Variants in MAP3K5 observed in about 807,000 individuals in gnomAD.
MAP3K5 encodes the protein ASK-1.
In MAP3K5, 56 loss-of-function variants were observed where a neutral mutation model predicts 158.7. The ratio of observed to expected loss-of-function variants is 0.35; its 90% confidence interval spans 0.28 to 0.44. The LOEUF (loss-of-function observed/expected upper bound fraction) is 0.44. Ranked by LOEUF, MAP3K5 falls within the 20% of genes least tolerant of loss-of-function variation. MAP3K5 has a pLI of 1.00. For synonymous variants in MAP3K5, 579 were observed against 601.7 expected, an observed-to-expected ratio of 0.96 and a Z score of 0.55; for missense variants, 1,294 against 1,674.8, an observed-to-expected ratio of 0.77 and a Z score of 3.97.
In MAP3K5 at chr6:136,637,381, T is replaced by C. The variant is rs1344900901; in HGVS notation, c.1960A>G (p.Thr654Ala). ...TCTGTGCTTCTCCCCTTCTCTTCGG[T>C]AATGGTGTTCACCATCTCAAAAAAC... ...KKFFEMVNTI[T>A]EEKGRSTEEG... Residue 654 changes from threonine (T) to alanine (A), a missense_variant, in exon 14 of 30, where the codon ACC (threonine) becomes GCC (alanine). Around this residue, in one of 5 missense-constraint regions of MAP3K5, gnomAD observed 690 missense variants for 870.5 expected, o/e 0.79. Coordinates refer to ENST00000359015, the MANE Select transcript of MAP3K5 (RefSeq NM_005923.4). The C allele has an allele frequency of 6.2e-7, 1 of 1,610,440 alleles. No homozygotes were observed. The highest frequency in any genetic ancestry group is 8.5e-7 in the Non-Finnish European group (1 of 1,176,770).
rs138195780 is a variant in MAP3K5, at chr6:136,631,653, A to G, written c.2016+5672T>C. Among the ~76,000 whole-genome samples, 383 of 152,128 alleles carry G rather than the reference A, an allele frequency of 2.5e-3. 2 individuals are homozygous for G. Among genetic ancestry groups the G allele is most frequent in the African/African-American group, 8.5e-3 (354 of 41,476 alleles). On this transcript the variant is annotated intron_variant, in intron 14 of 29. Transcript: ENST00000359015. The stretch of plus-strand genomic sequence containing the variant: ...ATGGATTGGAGGCCTTCTCCCATCC[A>G]TATCTCTCTCCTCCCAGTTTGAGAT...
chr6:136,681,776 G>A (rs928601204), intron 7 of MAP3K5, among the ~76,000 whole-genome samples: 7 of 152,090 alleles, frequency 4.6e-5, no homozygotes, highest in East Asian at 1.9e-4. Context: ...AAAATTAGCC[G>A]GGTGTGGTGG....
rs919575944 is a variant in MAP3K5, at chr6:136,697,404, C to G, written c.807-17G>C. On this transcript the variant is annotated splice_polypyrimidine_tract_variant and intron_variant, in intron 4 of 29. Transcript: ENST00000359015. Reference sequence around the variant, plus strand: ...AAGTACTGGCTGGTAAAAACACACACATTTCAAAGAGTTTGACATTAGAAA... The same window carrying G: ...AAGTACTGGCTGGTAAAAACACACAGATTTCAAAGAGTTTGACATTAGAAA... 5 of 1,575,622 alleles carry G rather than the reference C, an allele frequency of 3.2e-6. No homozygotes were observed. The highest frequency in any genetic ancestry group is 4.3e-6 in the Non-Finnish European group (5 of 1,158,650).
chr6:136,607,718 T>C lies in MAP3K5; in HGVS notation c.2522-2352A>G, dbSNP rs1446251287. ...TGGTTAATTAAACTCTAATGTCACA[T>C]TTCATTCATTCACTCATTCATTTAA... On this transcript the variant is annotated intron_variant, in intron 18 of 29. Coordinates refer to ENST00000359015, the MANE Select transcript of MAP3K5 (RefSeq NM_005923.4). 2.0e-5 allele frequency among the ~76,000 whole-genome samples: 3 copies of C among 152,330 alleles called. No individual in the cohort carries two copies. The Middle Eastern group carries it at 0.01, about 518-fold the overall frequency.
At chr6:136,782,656 T>C (rs1252321117) in intron 1 of MAP3K5, among the ~76,000 whole-genome samples, 1 of 152,220 alleles carries the variant, frequency 6.6e-6, no homozygotes, top group Non-Finnish European at 1.5e-5. Context: ...TAGTGGAATG[T>C]TTTCTGTTAC....
At chr6:136,661,230 T>C (rs1449438389) in intron 8 of MAP3K5, among the ~76,000 whole-genome samples, 1 of 152,222 alleles carries the variant, frequency 6.6e-6, no homozygotes, top group African/African-American at 2.4e-5. Flanking sequence ...TTTTATCGTA[T>C]AATTCCACTC....
intron 14 of MAP3K5, among the ~76,000 whole-genome samples, chr6:136,629,767 A>T (rs112735505): frequency 0.065 from 665 of 10,230 alleles, 3 homozygotes; most frequent in African/African-American, 0.23. Flanking sequence ...TCTCACCTTC[A>T]TTTATTTATT....
intron 14 of MAP3K5, among the ~76,000 whole-genome samples, chr6:136,632,142 C>T (rs778182741): frequency 2.6e-5 from 4 of 152,110 alleles, no homozygotes; most frequent in East Asian, 1.9e-4. Context: ...AGGCTGGCAC[C>T]GCTGGACCAC....
intron 7 of MAP3K5, among the ~76,000 whole-genome samples, chr6:136,682,275 A>C (rs1318650409): frequency 2.6e-5 from 4 of 152,232 alleles, no homozygotes. Context: ...AAATAATGTT[A>C]ATGCAACAAC....
At chr6:136,697,089 TAA>T in intron 5 of MAP3K5, 128 bp downstream of exon 5, 2 of 615,096 alleles carry the variant, frequency 3.3e-6, no homozygotes, top group South Asian at 3.0e-5. Flanking sequence ...ATGGAAAGCT[TAA>T]GAGAGTCAAT....
At chr6:136,679,693 C>T (rs1369968366) in intron 7 of MAP3K5, among the ~76,000 whole-genome samples, 3 of 150,976 alleles carry the variant, frequency 2.0e-5, no homozygotes, top group Non-Finnish European at 3.0e-5. Flanking sequence ...ATTTTTTTTC[C>T]AAAAAAAGAG....
intron 21 of MAP3K5, among the ~76,000 whole-genome samples, chr6:136,596,581 A>G (rs1440490570): frequency 1.3e-5 from 2 of 152,192 alleles, no homozygotes; most frequent in Admixed American, 6.5e-5. Flanking sequence ...GAGCATGTGT[A>G]TATGGAACTC....
In MAP3K5 at chr6:136,691,089, C is replaced by A. The variant is rs74565365; in HGVS notation, c.1253+3051G>T. Among the ~76,000 whole-genome samples, 1,067 of 152,180 alleles carry A rather than the reference C, an allele frequency of 7.0e-3. 11 individuals carry two copies. Among genetic ancestry groups the A allele is most frequent in the African/African-American group, 0.025 (1,030 of 41,540 alleles). The stretch of plus-strand genomic sequence containing the variant: ...CTTCTTTCTTAGGCTGCATTTATGA[C>A]CTTTTCTTGTATTTCTGTTTTTCAC... On this transcript the variant is annotated intron_variant, in intron 7 of 29. Transcript: ENST00000359015.
rs553509949 is a variant in MAP3K5, at chr6:136,617,882, G to A, written c.2151-3596C>T. 3.3e-5 allele frequency among the ~76,000 whole-genome samples: 5 copies of A among 152,184 alleles called. No individual in the cohort carries two copies. The East Asian group carries it at 7.7e-4, about 24-fold the overall frequency. On this transcript the variant is annotated intron_variant, in intron 15 of 29. Coordinates refer to ENST00000359015, the MANE Select transcript of MAP3K5 (RefSeq NM_005923.4). ...CAGGAGGCGGAGGTTGCAGTGAGCC[G>A]AGATCGCGCCACTGCACTCCAGCCT...
At chr6:136,659,517 G>A in intron 8 of MAP3K5, 139 bp from the exon 9 acceptor site, 1 of 754,402 alleles carries the variant, frequency 1.3e-6, no homozygotes, top group Non-Finnish European at 2.1e-6. Flanking sequence ...TTATTAAGGT[G>A]GCTTCAGTTC....
At chr6:136,660,405 C>T (rs1778954938) in intron 8 of MAP3K5, among the ~76,000 whole-genome samples, 1 of 151,196 alleles carries the variant, frequency 6.6e-6, no homozygotes, top group Middle Eastern at 3.4e-3. Context: ...AATTTAAAAT[C>T]TAAAAAAAAG....
chr6:136,592,170 T>C lies in MAP3K5; in HGVS notation c.3225+3A>G, dbSNP rs1373560742. 2 of 1,572,250 alleles carry C rather than the reference T, an allele frequency of 1.3e-6. No individual in the cohort carries two copies. Among genetic ancestry groups the C allele is most frequent in the African/African-American group, 2.7e-5 (2 of 73,192 alleles). ...GAAATGAAGCACCTGGGAGAGGATT[T>C]ACCTGAGCTAAAGATTCCATTAGGT... On this transcript the variant is annotated splice_donor_region_variant and intron_variant, in intron 23 of 29. Transcript: ENST00000359015.
intron 2 of MAP3K5, among the ~76,000 whole-genome samples, chr6:136,718,852 A>G (rs958656538): frequency 6.6e-6 from 1 of 152,214 alleles, no homozygotes; most frequent in Non-Finnish European, 1.5e-5. Context: ...AAAATCTCCA[A>G]CATAATAGGG....
chr6:136,755,217 TC>T (rs1056677970), intron 1 of MAP3K5, among the ~76,000 whole-genome samples: 4 of 152,122 alleles, frequency 2.6e-5, no homozygotes, highest in Non-Finnish European at 5.9e-5. Context: ...TTAGCTGTGT[TC>T]CTGCCTCCCT....
Sources: gnomAD v4.1 joint callset for allele counts (sites outside exome capture counted in the v4.1 genomes callset) on GRCh38, gnomAD v4.1.1 for gene constraint, gnomAD v4.1.1 regional missense constraint, MANE v1.5 for transcripts, NCBI Gene and HGNC (gene_info 2026-07-23, HGNC 2026-07-21) for gene names.